Variants in UMAD1 observed in about 807,000 individuals in gnomAD.
The protein encoded by UMAD1 is UBAP1-MVB12-associated (UMA)-domain containing protein 1.
Under a neutral mutation model 6.1 loss-of-function variants are expected in UMAD1, and 8 were observed. The ratio of observed to expected loss-of-function variants is 1.30; its 90% CI spans 0.76 to 2.35. The LOEUF is 2.35. Ranked by LOEUF, UMAD1 falls within the 30% of genes most tolerant of loss-of-function variation. The probability of loss-of-function intolerance (pLI) is 0.00; values close to 1 mark genes in which losing one functional copy is unlikely to be tolerated. For synonymous variants in UMAD1, 56 were observed against 31.4 expected (o/e 1.78, Z -2.61); for missense variants, 130 against 78.4 (o/e 1.66, Z -2.49).
chr7:7,696,415 A>C (rs991752998), intron 2 of UMAD1, among the ~76,000 whole-genome samples: 3 of 152,158 alleles, frequency 2.0e-5, no homozygotes, highest in African/African-American at 7.2e-5. Context: ...CTAATTTTCT[A>C]TAAAAAAATA....
At chr7:7,827,032 A>G (rs1444596834) in intron 3 of UMAD1, among the ~76,000 whole-genome samples, 1 of 151,982 alleles carries the variant, frequency 6.6e-6, no homozygotes, top group Non-Finnish European at 1.5e-5. Flanking sequence ...TATTTATAGT[A>G]TGCCCCATTT....
chr7:7,680,351 ATG>A (rs1353626724), intron 2 of UMAD1, among the ~76,000 whole-genome samples: 3 of 152,044 alleles, frequency 2.0e-5, no homozygotes, highest in African/African-American at 7.2e-5. Context: ...TTCATTGTAA[ATG>A]TGTGAATTTA....
chr7:7,877,301 C>G lies in UMAD1; in HGVS notation c.177C>G (p.Ser59=), dbSNP rs1284534082. 1.4e-6 allele frequency: 1 copy of G among 715,090 alleles called. No individual in the cohort carries two copies. The highest frequency in any genetic ancestry group is 2.7e-5 in the East Asian group (1 of 37,206). 44.3% of individuals were successfully genotyped at this position (715,090 alleles called of 1,614,324 possible). ...QPLETNKENS[S]SVTVSDPEME... Reference sequence around the variant, plus strand: ...TTTAGACCAACAAAGAAAATTCATCCAGTGTGACTGTATCAGACCCTGAGA... The same window carrying G: ...TTTAGACCAACAAAGAAAATTCATCGAGTGTGACTGTATCAGACCCTGAGA... The change falls in exon 4 of 4, where the codon TCC becomes TCG. Residue 59 remains serine (S), a synonymous_variant. Coordinates refer to ENST00000682710, the MANE Select transcript of UMAD1 (RefSeq NM_001302348.2).
In UMAD1 at chr7:7,673,334, CAGCAGCA is replaced by C; in HGVS notation, c.-37_-31del. 3.3e-6 allele frequency: 4 copies of C among 1,216,186 alleles called. No homozygotes were observed. Among genetic ancestry groups the C allele is most frequent in the Non-Finnish European group, 4.6e-6 (4 of 861,834 alleles). 75.3% of individuals were successfully genotyped at this position (1,216,186 alleles called of 1,614,324 possible). ...GTAGCAGCAGCAGCAGCAGCAGCAG[CAGCAGCA>C]GCAGCAGCAGCAGCAGCAGCAGCAG... On this transcript the variant is annotated 5_prime_UTR_variant, in exon 2 of 4. Coordinates refer to ENST00000682710, the MANE Select transcript of UMAD1 (RefSeq NM_001302348.2).
At chr7:7,807,138 G>A (rs142071545) in intron 3 of UMAD1, among the ~76,000 whole-genome samples, 2 of 152,144 alleles carry the variant, frequency 1.3e-5, no homozygotes, top group African/African-American at 2.4e-5. Flanking sequence ...GCAAATCACT[G>A]TACTGTAAAG....
intron 3 of UMAD1, among the ~76,000 whole-genome samples, chr7:7,813,503 C>T (rs1202891691): frequency 3.9e-5 from 6 of 152,170 alleles, no homozygotes; most frequent in Admixed American, 3.9e-4. Context: ...TGCGCCCAGC[C>T]CCTTTTTCTG....
At chr7:7,700,875 C>T (rs1250054502) in intron 2 of UMAD1, among the ~76,000 whole-genome samples, 5 of 151,470 alleles carry the variant, frequency 3.3e-5, no homozygotes, top group African/African-American at 4.9e-5. Flanking sequence ...GTAACAAGAG[C>T]GAGACTCCAT....
intron 1 of UMAD1, among the ~76,000 whole-genome samples, chr7:7,650,381 C>T (rs1405554647): frequency 6.6e-6 from 1 of 152,116 alleles, no homozygotes; most frequent in African/African-American, 2.4e-5. Flanking sequence ...TATTATCTTT[C>T]TGTGGTATAG....
intron 2 of UMAD1, among the ~76,000 whole-genome samples, chr7:7,766,060 TG>T (rs1328328540): frequency 1.3e-5 from 2 of 151,798 alleles, no homozygotes; most frequent in Admixed American, 1.3e-4. Flanking sequence ...ATGGATCTTC[TG>T]TTAGAATCCA....
At chr7:7,874,895 GT>G (rs1784388534) in intron 3 of UMAD1, among the ~76,000 whole-genome samples, 1 of 152,128 alleles carries the variant, frequency 6.6e-6, no homozygotes, top group African/African-American at 2.4e-5. Flanking sequence ...GGTTGCTCAT[GT>G]GTATTCAGTT....
intron 2 of UMAD1, among the ~76,000 whole-genome samples, chr7:7,714,847 A>C (rs1683122483): frequency 6.9e-6 from 1 of 145,176 alleles, no homozygotes; most frequent in African/African-American, 2.6e-5. Context: ...TTGTTCAAAA[A>C]TTTTTCTTTT....
intron 3 of UMAD1, among the ~76,000 whole-genome samples, chr7:7,867,094 A>T (rs6962979): frequency 1.6e-3 from 251 of 152,310 alleles, no homozygotes; most frequent in African/African-American, 4.9e-3. Context: ...TCACTGATAG[A>T]GAAAATATTG....
chr7:7,712,150 C>T (rs1490387622), intron 2 of UMAD1, among the ~76,000 whole-genome samples: 1 of 152,092 alleles, frequency 6.6e-6, no homozygotes, highest in Non-Finnish European at 1.5e-5. Context: ...CCATCTCAAC[C>T]TTCCTTTGTT....
chr7:7,723,364 T>C (rs573723029), intron 2 of UMAD1, among the ~76,000 whole-genome samples: 2 of 152,194 alleles, frequency 1.3e-5, no homozygotes, highest in Admixed American at 1.3e-4. Flanking sequence ...ATGTTACAGC[T>C]CAGGGAGTTA....
intron 2 of UMAD1, among the ~76,000 whole-genome samples, chr7:7,749,363 T>G (rs1781635395): frequency 1.3e-5 from 2 of 152,220 alleles, no homozygotes; most frequent in Non-Finnish European, 2.9e-5. Flanking sequence ...CACACTTTAA[T>G]AGCCCGTATT....
rs571972110 is a variant in UMAD1, at chr7:7,772,731, C to T, written c.83-28939C>T. 2.0e-4 allele frequency among the ~76,000 whole-genome samples: 30 copies of T among 152,268 alleles called. No individual in the cohort carries two copies. The South Asian group carries it at 2.5e-3, about 13-fold the overall frequency. On this transcript the variant is annotated intron_variant, in intron 2 of 3. Transcript: ENST00000682710. The stretch of plus-strand genomic sequence containing the variant: ...CCTCGTGAAATGGAGCAGCTGCGCC[C>T]GTTTTCTCTGGGCTCACAAAAACAT...
intron 2 of UMAD1, among the ~76,000 whole-genome samples, chr7:7,706,268 A>T (rs1440421291): frequency 3.3e-5 from 5 of 152,140 alleles, no homozygotes; most frequent in African/African-American, 1.2e-4. Flanking sequence ...AGAGTCTAAA[A>T]ATTATCTGTT....
intron 3 of UMAD1, among the ~76,000 whole-genome samples, chr7:7,872,552 T>C (rs888788440): frequency 6.6e-6 from 1 of 152,104 alleles, no homozygotes; most frequent in Admixed American, 6.5e-5. Context: ...ACGAAAAAAT[T>C]TGAAATATTG....
intron 2 of UMAD1, among the ~76,000 whole-genome samples, chr7:7,737,340 G>A (rs1432850728): frequency 6.6e-6 from 1 of 152,168 alleles, no homozygotes; most frequent in African/African-American, 2.4e-5. Flanking sequence ...AATAACTTAT[G>A]TAAACTAAAA....
Sources: allele counts gnomAD v4.1 joint callset (sites outside exome capture counted in the v4.1 genomes callset), GRCh38; gene constraint gnomAD v4.1.1; transcripts MANE v1.5; gene names NCBI Gene and HGNC (gene_info 2026-07-23, HGNC 2026-07-21).